USH2A: variants seen among roughly 807,000 people sequenced by gnomAD.
The protein encoded by USH2A is Usher syndrome 2A (autosomal recessive, mild).
A neutral mutation model predicts 538.9 loss-of-function variants in USH2A; 443 were observed. The ratio of observed to expected loss-of-function variants is 0.82; its 90% CI spans 0.76 to 0.89. The LOEUF (loss-of-function observed/expected upper bound fraction) is 0.89. Among genes scored for constraint, USH2A ranks in the 40% least tolerant of loss-of-function variants. USH2A has a pLI of 0.00. For synonymous variants in USH2A, 2,413 were observed against 2,273.5 expected (o/e 1.06, Z -1.75); for missense variants, 6,633 against 6,324.8 (o/e 1.05, Z -1.65).
intron 70 of USH2A, among the ~76,000 whole-genome samples, chr1:215,633,614 A>G (rs1571918620): frequency 6.6e-6 from 1 of 152,146 alleles, no homozygotes; most frequent in Non-Finnish European, 1.5e-5. Context: ...AGTACTGCCT[A>G]GGGTAGCCAC....
chr1:216,120,219 C>CAAAAAAAAAA lies in USH2A; in HGVS notation c.4628-23016_4628-23007dup, dbSNP rs10525093. ...TATTAAAACAGGTCATACTAAATAGCAAAAAAAAAAAAAAAAAAAAAAAAA... is the reference window on the plus strand; with the variant it reads ...TATTAAAACAGGTCATACTAAATAGCAAAAAAAAAAAAAAAAAAAAAAAAAAAAAAAAAAA... On this transcript the variant is annotated intron_variant, in intron 21 of 71. Coordinates refer to ENST00000307340, the MANE Select transcript of USH2A (RefSeq NM_206933.4). Among the ~76,000 whole-genome samples the CAAAAAAAAAA allele has an allele frequency of 1.9e-3, 187 of 99,990 alleles. 7 individuals carry two copies. The highest frequency in any genetic ancestry group is 3.2e-3 in the East Asian group (7 of 2,156). The allele number at this position is 99,990 out of a possible 152,430, so 65.6% of individuals were successfully genotyped here.
At chr1:216,000,623 A>T in intron 32 of USH2A, 61 bp from the exon 33 acceptor site, 6 of 1,570,376 alleles carry the variant, frequency 3.8e-6, no homozygotes, top group Non-Finnish European at 3.5e-6. Context: ...AGGAGATTTC[A>T]CTCCTCCACT....
chr1:215,744,130 C>T (rs1301972376), intron 58 of USH2A, among the ~76,000 whole-genome samples: 1 of 152,156 alleles, frequency 6.6e-6, no homozygotes. Flanking sequence ...TTCTGTAGAG[C>T]ATTGTGTATG....
intron 16 of USH2A, chr1:216,204,356 G>A (rs893578937): frequency 6.6e-6 from 1 of 152,032 alleles, no homozygotes; most frequent in African/African-American, 2.4e-5. Flanking sequence ...TAAATAAAAC[G>A]TAAAGATATA....
chr1:215,678,823 T>G (rs2102670456), intron 62 of USH2A, among the ~76,000 whole-genome samples: 1 of 152,296 alleles, frequency 6.6e-6, no homozygotes, highest in South Asian at 2.1e-4. Context: ...GTAGAAGTAT[T>G]TCACCAAATA....
intron 37 of USH2A, among the ~76,000 whole-genome samples, chr1:215,964,305 G>A (rs1436494327): frequency 6.6e-6 from 1 of 152,106 alleles, no homozygotes; most frequent in Non-Finnish European, 1.5e-5. Flanking sequence ...AGCCCTGATT[G>A]CATAAAAAAG....
intron 4 of USH2A, among the ~76,000 whole-genome samples, chr1:216,358,514 A>T (rs546037515): frequency 6.6e-6 from 1 of 152,172 alleles, no homozygotes; most frequent in African/African-American, 2.4e-5. Flanking sequence ...AAAATGATTT[A>T]TAATAAGTCC....
intron 22 of USH2A, among the ~76,000 whole-genome samples, chr1:216,093,008 C>CAGGTTGG (rs1172857371): frequency 5.3e-5 from 8 of 152,156 alleles, no homozygotes; most frequent in Admixed American, 5.2e-4. Context: ...CTCTGTCACC[C>CAGGTTGG]AGGTTGGAGT....
At position 216,174,742 on chromosome 1, in the gene USH2A, C is replaced by T. The variant is rs941646674; in HGVS notation, c.4627+510G>A. The T allele has an allele frequency of 1.4e-5, 14 of 994,590 alleles. No homozygotes were observed. The Admixed American group carries it at 1.7e-4, about 12-fold the overall frequency. 61.6% of individuals were successfully genotyped at this position (994,590 alleles called of 1,614,324 possible). ...TAGAACATGAGATATTAAGTTGTCA[C>T]AGTGAAAAAAAGAAGAAGGAAACAG... On this transcript the variant is annotated intron_variant, in intron 21 of 71. Transcript: ENST00000307340.
In USH2A at chr1:216,170,830, AT is replaced by A. The variant is rs538326873; in HGVS notation, c.4627+4421del. ...TGCATTCCTGAAAAAAACGAGCATG[AT>A]TTTTTTTTCTCTCCAAAGGCACAAT... On this transcript the variant is annotated intron_variant, in intron 21 of 71. Coordinates refer to ENST00000307340, the MANE Select transcript of USH2A (RefSeq NM_206933.4). Among the ~76,000 whole-genome samples, 605 of 151,300 alleles carry A rather than the reference AT, an allele frequency of 4.0e-3. 6 individuals are homozygous for A. The highest frequency in any genetic ancestry group is 0.014 in the African/African-American group (578 of 41,276).
At chr1:215,655,275 T>G (rs1207535248) in intron 64 of USH2A, among the ~76,000 whole-genome samples, 1 of 152,228 alleles carries the variant, frequency 6.6e-6, no homozygotes, top group Non-Finnish European at 1.5e-5. Flanking sequence ...TACTTCACAT[T>G]AACTTTAGTC....
chr1:215,649,032 A>C (rs1384989861), intron 65 of USH2A, among the ~76,000 whole-genome samples: 1 of 152,242 alleles, frequency 6.6e-6, no homozygotes, highest in Non-Finnish European at 1.5e-5. Flanking sequence ...AATATTATCG[A>C]TTATCTATTA....
chr1:216,098,323 C>T (rs1203797349), intron 21 of USH2A, among the ~76,000 whole-genome samples: 1 of 150,958 alleles, frequency 6.6e-6, no homozygotes, highest in Non-Finnish European at 1.5e-5. Context: ...AACAAATTAT[C>T]CTGTGGAATC....
At chr1:215,774,751 T>A (rs766010331) in intron 55 of USH2A, among the ~76,000 whole-genome samples, 1 of 152,030 alleles carries the variant, frequency 6.6e-6, no homozygotes, top group Non-Finnish European at 1.5e-5. Context: ...AGAACTAGTA[T>A]CTGGCAAAGT....
Position 216,086,732 on chromosome 1 carries a change from G to A in USH2A, c.4974C>T (p.Leu1658=), listed in dbSNP as rs1302658283. The A allele has an allele frequency of 6.2e-7, 1 of 1,612,252 alleles. No individual in the cohort carries two copies. ...LGGLPRSYTI[L]RKDPEIIQKG... is the part of the protein sequence containing the mutation. ...TACTAAACTCACCAGGATCCTTCCTGAGGATGGTATAACTTCGCGGGAGCC... is the reference window on the plus strand; with the variant it reads ...TACTAAACTCACCAGGATCCTTCCTAAGGATGGTATAACTTCGCGGGAGCC... Residue 1658 remains leucine (L), a synonymous_variant, in exon 24 of 72, where the codon CTC becomes CTT. Transcript: ENST00000307340.
chr1:216,071,364 G>C (rs909238390), intron 29 of USH2A, among the ~76,000 whole-genome samples: 5 of 152,126 alleles, frequency 3.3e-5, no homozygotes, highest in Admixed American at 6.6e-5. Context: ...AAACACACAG[G>C]CCACAAGATC....
chr1:216,105,122 A>G (rs914270407), intron 21 of USH2A, among the ~76,000 whole-genome samples: 2 of 152,152 alleles, frequency 1.3e-5, no homozygotes, highest in Non-Finnish European at 2.9e-5. Flanking sequence ...ACCATCTCAC[A>G]TCAGTTAGAA....
At chr1:216,186,663 C>A (rs969580677) in intron 20 of USH2A, among the ~76,000 whole-genome samples, 7 of 151,786 alleles carry the variant, frequency 4.6e-5, no homozygotes, top group African/African-American at 1.7e-4. Flanking sequence ...ATTTTTAAGC[C>A]CCAGATTTGC....
chr1:215,781,303 T>C (rs1661628689), intron 54 of USH2A, among the ~76,000 whole-genome samples: 1 of 152,202 alleles, frequency 6.6e-6, no homozygotes, highest in South Asian at 2.1e-4. Flanking sequence ...TGCTATCTGA[T>C]CCTTCTCTTT....
Sources: allele counts gnomAD v4.1 joint callset (sites outside exome capture counted in the v4.1 genomes callset), GRCh38; gene constraint gnomAD v4.1.1; transcripts MANE v1.5; gene names NCBI Gene and HGNC (gene_info 2026-07-23, HGNC 2026-07-21).